Variants in TIMM44 observed in about 807,000 individuals in gnomAD.
TIMM44 encodes the protein translocase of inner mitochondrial membrane 44.
TIMM44 carries 37 observed loss-of-function variants against 63.8 expected under a neutral mutation model. The ratio of observed to expected loss-of-function variants is 0.58; its 90% confidence interval spans 0.45 to 0.76. The LOEUF is 0.76. Ranked by LOEUF, TIMM44 falls within the 30% of genes least tolerant of loss-of-function variation. The probability of loss-of-function intolerance (pLI) is 0.00; values close to 1 mark genes in which losing one functional copy is unlikely to be tolerated. For missense variants in TIMM44, 573 were observed against 603.8 expected (o/e 0.95, Z 0.54); for synonymous variants, 239 against 245.1 (o/e 0.98, Z 0.23).
chr19:7,937,105 A>C (rs1394178063), intron 3 of TIMM44, among the ~76,000 whole-genome samples: 7 of 151,518 alleles, frequency 4.6e-5, no homozygotes, highest in South Asian at 2.1e-4. Flanking sequence ...CTGCTTCAAA[A>C]AACAACAACA....
rs185667226 is a variant in TIMM44 at position 7,934,012 on chromosome 19, G to A, written c.544-9C>T. On this transcript the variant is annotated splice_polypyrimidine_tract_variant and intron_variant, in intron 5 of 12. Coordinates refer to ENST00000270538, the MANE Select transcript of TIMM44 (RefSeq NM_006351.4). The surrounding 1 kb of genome is among the most constrained non-coding windows in gnomAD (Gnocchi z 5.3). ...TTCACGGACTCCACCCCCTGCGAGG[G>A]AGGCACAGCGGGGCTGGGGTGGGTG... 1,506 of 1,613,902 alleles carry A rather than the reference G, an allele frequency of 9.3e-4. 18 individuals are homozygous for A. The East Asian group carries it at 0.025, about 27-fold the overall frequency.
intron 10 of TIMM44, 120 bp from the exon 11 acceptor site, chr19:7,928,286 G>A (rs1474448534): frequency 7.3e-6 from 6 of 821,110 alleles, no homozygotes; most frequent in Admixed American, 2.2e-5. Flanking sequence ...CAATGGCAGA[G>A]GCCAAGAACC....
In TIMM44 at chr19:7,941,584, C is replaced by T. The variant is rs146393413; in HGVS notation, c.46-387G>A. Among the ~76,000 whole-genome samples, 815 of 152,072 alleles carry T rather than the reference C, an allele frequency of 5.4e-3. 8 individuals carry two copies. Among genetic ancestry groups the T allele is most frequent in the African/African-American group, 0.018 (761 of 41,474 alleles). On this transcript the variant is annotated intron_variant, in intron 1 of 12. Transcript: ENST00000270538. ...GGATTACAGGCATGAGCCACTGCAC[C>T]TGGCCTCACTGGCCAATTTGTATCT...
rs182299016 is a variant in TIMM44, at chr19:7,940,867, A to G, written c.141+235T>C. On this transcript the variant is annotated intron_variant, in intron 2 of 12. Coordinates refer to ENST00000270538, the MANE Select transcript of TIMM44 (RefSeq NM_006351.4). ...AGCATTAGAGCCAACATAAAGGGCTATTCTGACAGCACCTTATCCCCTTAC... is the reference window on the plus strand; with the variant it reads ...AGCATTAGAGCCAACATAAAGGGCTGTTCTGACAGCACCTTATCCCCTTAC... Among the ~76,000 whole-genome samples the G allele has an allele frequency of 1.2e-3, 188 of 152,158 alleles. 3 individuals are homozygous for G. The highest frequency in any genetic ancestry group is 8.0e-3 in the Admixed American group (122 of 15,272).
Position 7,927,643 on chromosome 19 carries a change from ACT to A in TIMM44, c.1239+12_1239+13del, listed in dbSNP as rs751174615. ...CGGTGTCATGTGCCTGCCCCATCCC[ACT>A]CCCTCACTCACCGGGTCACCCTCCA... On this transcript the variant is annotated intron_variant, in intron 12 of 12. Coordinates refer to ENST00000270538, the MANE Select transcript of TIMM44 (RefSeq NM_006351.4). 34 of 1,609,828 alleles carry A rather than the reference ACT, an allele frequency of 2.1e-5. No individual in the cohort carries two copies. The South Asian group carries it at 3.7e-4, about 18-fold the overall frequency.
At position 7,927,678 on chromosome 19, in the gene TIMM44, G is replaced by A. The variant is rs1381664988; in HGVS notation, c.1218C>T (p.Gly406=). 3 of 1,613,256 alleles carry A rather than the reference G, an allele frequency of 1.9e-6. No individual in the cohort carries two copies. Among genetic ancestry groups the A allele is most frequent in the African/African-American group, 1.3e-5 (1 of 74,894 alleles). ...QLVMVVRNPK[G]EVVEGDPDKV... ...TCACCGGGTCACCCTCCACCACCTC[G>A]CCTTTGGGGTTCCTGACCACCATCA... Residue 406 remains glycine (G), a synonymous_variant, in exon 12 of 13, where the codon GGC becomes GGT. Coordinates refer to ENST00000270538, the MANE Select transcript of TIMM44 (RefSeq NM_006351.4).
In TIMM44 at chr19:7,935,043, CAGG is replaced by C. The variant is rs1984105289; in HGVS notation, c.393+19_393+21del. 5 of 1,606,512 alleles carry C rather than the reference CAGG, an allele frequency of 3.1e-6. No individual in the cohort carries two copies. The African/African-American group carries it at 5.4e-5, about 17-fold the overall frequency. On this transcript the variant is annotated intron_variant, in intron 4 of 12. Transcript: ENST00000270538. ...GGGACTTTGATGGCCCCAGCGGCTCCAGGCGGGCGTGGAACTGTTACCTCCTTC... is the reference window on the plus strand; with the variant it reads ...GGGACTTTGATGGCCCCAGCGGCTCCCGGGCGTGGAACTGTTACCTCCTTC...
Position 7,934,273 on chromosome 19 carries a change from C to T in TIMM44, c.394-35G>A, listed in dbSNP as rs200261707. The T allele has an allele frequency of 2.5e-6, 4 of 1,607,164 alleles. No individual in the cohort carries two copies. The highest frequency in any genetic ancestry group is 2.5e-6 in the Non-Finnish European group (3 of 1,179,794). On this transcript the variant is annotated intron_variant, in intron 4 of 12. Transcript: ENST00000270538. This position sits in a 1 kb window ranked among gnomAD's most constrained non-coding sequence, Gnocchi z 5.3. ...CAGACACAGAGAGGGGGCGTTGGCA[C>T]CGGCCCTGGCGGCCGGGGGGCGGGG...
In TIMM44 at chr19:7,932,749, C is replaced by T; in HGVS notation, c.865G>A (p.Gly289Ser). 1 of 1,614,116 alleles carries T rather than the reference C, an allele frequency of 6.2e-7. No individual in the cohort carries two copies. The highest frequency in any genetic ancestry group is 8.5e-7 in the Non-Finnish European group (1 of 1,179,996). ...GACATCTCTGTCTTGGAGAACAGGC[C>T]CCCTGCAGGGAGCAGAGCCGGGAGT... ...LTDKVTDLLG[G>S]LFSKTEMSEV... The change falls in exon 9 of 13, where the codon GGC (glycine) becomes AGC (serine). Residue 289 changes from glycine (G) to serine (S), a missense_variant and splice_region_variant. By Grantham distance (56) the Gly-to-Ser change is moderately conservative. Transcript: ENST00000270538.
chr19:7,931,082 C>T (rs1411093842), intron 10 of TIMM44, 56 bp downstream of exon 10: 1 of 1,557,570 alleles, frequency 6.4e-7, no homozygotes, highest in African/African-American at 1.4e-5. Flanking sequence ...GGAACTTCTC[C>T]ATGGTGATTT....
Position 7,926,881 on chromosome 19 carries a change from TCCCTGGG to T in TIMM44, c.*299_*305del, listed in dbSNP as rs2145169258. 1 of 405,416 alleles carries T rather than the reference TCCCTGGG, an allele frequency of 2.5e-6. No homozygotes were observed. The highest frequency in any genetic ancestry group is 4.7e-6 in the Non-Finnish European group (1 of 214,474). 25.1% of individuals were successfully genotyped at this position (405,416 alleles called of 1,614,324 possible). On this transcript the variant is annotated 3_prime_UTR_variant, in exon 13 of 13. Transcript: ENST00000270538. The stretch of plus-strand genomic sequence containing the variant: ...GGGTCCCACCCTGCTGTGGGGGGAG[TCCCTGGG>T]CCCTGGGGCCTCTTGGCACTGTGTG...
intron 1 of TIMM44, among the ~76,000 whole-genome samples, chr19:7,942,204 G>C (rs142550706): frequency 1.3e-5 from 2 of 152,082 alleles, no homozygotes; most frequent in South Asian, 2.1e-4. Context: ...AAAATTAGCC[G>C]GGCGTGGTGG....
At chr19:7,942,145 G>A (rs759679395) in intron 1 of TIMM44, among the ~76,000 whole-genome samples, 2 of 152,106 alleles carry the variant, frequency 1.3e-5, no homozygotes. Context: ...TCAGGAGTTC[G>A]AGATCAGCCT....
chr19:7,934,969 A>C lies in TIMM44; in HGVS notation c.393+96T>G, dbSNP rs1984102056. Reference sequence around the variant, plus strand: ...CGCCCCATGCCACCCACTGCTGCCAAGCCACCCCCACCCAGGAGCCGACTC... The same window carrying C: ...CGCCCCATGCCACCCACTGCTGCCACGCCACCCCCACCCAGGAGCCGACTC... On this transcript the variant is annotated intron_variant, in intron 4 of 12. Transcript: ENST00000270538. This position sits in a 1 kb window ranked among gnomAD's most constrained non-coding sequence, Gnocchi z 5.3. 1.7e-6 allele frequency: 2 copies of C among 1,199,640 alleles called. No individual in the cohort carries two copies. Among genetic ancestry groups the C allele is most frequent in the Admixed American group, 3.9e-5 (2 of 50,766 alleles). 74.3% of individuals were successfully genotyped at this position (1,199,640 alleles called of 1,614,324 possible). A position where few individuals can be genotyped will look rare whatever the true frequency, so the allele number is the denominator to read the frequency against.
rs754547982 is a variant in TIMM44 at position 7,935,103 on chromosome 19, G to A, written c.355C>T (p.Arg119Trp). ...SETVRTSEVLRKKLGELTGTV... is the reference protein window; with the variant it reads ...SETVRTSEVLWKKLGELTGTV... Reference sequence around the variant, plus strand: ...CCCGTCAGCTCCCCAAGCTTCTTCCGTAGCACCTCGCTCGTCCGCACGGTT... The same window carrying A: ...CCCGTCAGCTCCCCAAGCTTCTTCCATAGCACCTCGCTCGTCCGCACGGTT... Residue 119 changes from arginine to tryptophan, a missense_variant, in exon 4 of 13, where the codon CGG (arginine) becomes TGG (tryptophan). Coordinates refer to ENST00000270538, the MANE Select transcript of TIMM44 (RefSeq NM_006351.4). 1.3e-5 allele frequency: 21 copies of A among 1,613,242 alleles called. No individual in the cohort carries two copies. The East Asian group carries it at 2.0e-4, about 15-fold the overall frequency.
chr19:7,932,997 C>T (rs940161331), intron 7 of TIMM44, 65 bp from the exon 8 acceptor site: 25 of 1,318,428 alleles, frequency 1.9e-5, no homozygotes, highest in African/African-American at 2.9e-5. Flanking sequence ...TCCCTCACAG[C>T]TTCTAGAGGC....
rs1203002848 is a variant in TIMM44 at position 7,934,402 on chromosome 19, G to A, written c.394-164C>T. On this transcript the variant is annotated intron_variant, in intron 4 of 12. Coordinates refer to ENST00000270538, the MANE Select transcript of TIMM44 (RefSeq NM_006351.4). This position sits in a 1 kb window ranked among gnomAD's most constrained non-coding sequence, Gnocchi z 5.3. ...GTACGCGGCACCCCCAGAGCCATGA[G>A]CACAACGGCACCCCCAGAGCCACGA... Among the ~76,000 whole-genome samples, 1 of 150,990 alleles carries A rather than the reference G, an allele frequency of 6.6e-6. No individual in the cohort carries two copies. Among genetic ancestry groups the A allele is most frequent in the Non-Finnish European group, 1.5e-5 (1 of 67,732 alleles).
At chr19:7,941,065 CCT>C (rs763222075) in intron 2 of TIMM44, 35 bp downstream of exon 2, 7 of 1,571,114 alleles carry the variant, frequency 4.5e-6, no homozygotes, top group South Asian at 4.4e-5. Context: ...TCGGGCCTCC[CCT>C]GTGTCTGCTG....
chr19:7,929,848 AATT>A (rs1160856162), intron 10 of TIMM44, among the ~76,000 whole-genome samples: 3 of 151,928 alleles, frequency 2.0e-5, no homozygotes, highest in South Asian at 2.1e-4. Flanking sequence ...TCCTTCCCTA[AATT>A]ATTATTTCTT....
Sources: gnomAD v4.1 joint callset for allele counts (sites outside exome capture counted in the v4.1 genomes callset) on GRCh38, gnomAD v4.1.1 for gene constraint, Gnocchi (gnomAD v3.1) non-coding constraint, MANE v1.5 for transcripts, NCBI Gene and HGNC (gene_info 2026-07-23, HGNC 2026-07-21) for gene names.